Variants in TENM3 observed in about 807,000 individuals in gnomAD.
TENM3 encodes the protein teneurin-3.
A neutral mutation model predicts 255.1 loss-of-function variants in TENM3; 63 were observed. The ratio of observed to expected loss-of-function variants is 0.25; its 90% CI spans 0.20 to 0.30. The LOEUF is 0.30. Among genes scored for constraint, TENM3 ranks in the 10% least tolerant of loss-of-function variants. The probability of loss-of-function intolerance (pLI) is 1.00; values close to 1 mark genes in which losing one functional copy is unlikely to be tolerated. For synonymous variants in TENM3, 1,306 were observed against 1,322.3 expected, an observed-to-expected ratio of 0.99 and a Z score of 0.27; for missense variants, 2,929 against 3,461.1, an observed-to-expected ratio of 0.85 and a Z score of 3.86.
chr4:181,531,476 G>T, the TENM3 span, among the ~76,000 whole-genome samples: 1 of 152,114 alleles, frequency 6.6e-6, no homozygotes, highest in Non-Finnish European at 1.5e-5. Flanking sequence ...CCTCTGGAAG[G>T]CAGGGTGATT....
At chr4:181,454,011 G>T in the TENM3 span, among the ~76,000 whole-genome samples, 1 of 152,108 alleles carries the variant, frequency 6.6e-6, no homozygotes, top group African/African-American at 2.4e-5. Flanking sequence ...ATAAAAATAA[G>T]AAGTTCTAAT....
At chr4:181,584,579 T>C in the TENM3 span, among the ~76,000 whole-genome samples, 2 of 152,314 alleles carry the variant, frequency 1.3e-5, no homozygotes, top group Admixed American at 1.3e-4. Flanking sequence ...ACTAAAATGT[T>C]TTAAGTTAAT....
At chr4:181,830,281 T>C in the TENM3 span, among the ~76,000 whole-genome samples, 1 of 152,162 alleles carries the variant, frequency 6.6e-6, no homozygotes, top group Non-Finnish European at 1.5e-5. Flanking sequence ...TTTGTTTGTT[T>C]GTTTTTGAGC....
At chr4:182,369,457 T>G (rs1300291074) in intron 3 of TENM3, among the ~76,000 whole-genome samples, 1 of 152,200 alleles carries the variant, frequency 6.6e-6, no homozygotes, top group African/African-American at 2.4e-5. Context: ...AGACTGTAGG[T>G]CCTCAGATTA....
the TENM3 span, among the ~76,000 whole-genome samples, chr4:181,525,222 C>A: frequency 6.6e-6 from 1 of 151,830 alleles, no homozygotes; most frequent in Non-Finnish European, 1.5e-5. Context: ...ATCAGCTCAG[C>A]CAACATGGTG....
rs202038436 is a variant in TENM3 at position 182,775,009 on chromosome 4, G to A, written c.5160G>A (p.Pro1720=). The part of the protein sequence containing the change: ...SGLDSHYQTE[P]HVLAGTANPT... Reference sequence around the variant, plus strand: ...TGGACTCACACTACCAAACAGAGCCGCACGTTCTGGCTGGCACCGCTAATC... The same window carrying A: ...TGGACTCACACTACCAAACAGAGCCACACGTTCTGGCTGGCACCGCTAATC... Residue 1720 remains proline, a synonymous_variant, in exon 24 of 28, where the codon CCG becomes CCA. Transcript: ENST00000511685. The A allele has an allele frequency of 8.8e-5, 142 of 1,613,932 alleles. No individual in the cohort carries two copies. In the African/African-American group the frequency reaches 1.6e-3, roughly 18 times the overall value.
At chr4:182,160,897 C>G (rs977337916) in intron 1 of TENM3, among the ~76,000 whole-genome samples, 3 of 135,748 alleles carry the variant, frequency 2.2e-5, no homozygotes, top group Non-Finnish European at 4.9e-5. Context: ...TACATCCTTC[C>G]GTAATGTATA....
At chr4:182,428,514 G>C (rs369839669) in intron 3 of TENM3, among the ~76,000 whole-genome samples, 42 of 151,388 alleles carry the variant, frequency 2.8e-4, no homozygotes, top group African/African-American at 9.7e-4. Flanking sequence ...ATCTAGTATA[G>C]AGCCAGATCA....
At chr4:182,211,936 T>C (rs1214816969) in intron 1 of TENM3, among the ~76,000 whole-genome samples, 2 of 152,060 alleles carry the variant, frequency 1.3e-5, no homozygotes, top group Admixed American at 6.5e-5. Context: ...GAATAGTGAG[T>C]TTTTACATGG....
chr4:182,526,222 C>T (rs1372094007), intron 3 of TENM3, among the ~76,000 whole-genome samples: 2 of 151,976 alleles, frequency 1.3e-5, no homozygotes, highest in African/African-American at 4.8e-5. Flanking sequence ...CCTCGTGATC[C>T]ACCCACCTCA....
the TENM3 span, among the ~76,000 whole-genome samples, chr4:181,781,560 G>T: frequency 2.6e-5 from 4 of 152,144 alleles, no homozygotes; most frequent in Admixed American, 2.6e-4. Flanking sequence ...CATGTCATCT[G>T]CAAACAGGGA....
the TENM3 span, among the ~76,000 whole-genome samples, chr4:181,903,750 TG>T: frequency 1.3e-5 from 2 of 152,290 alleles, no homozygotes; most frequent in East Asian, 3.9e-4. Context: ...GAATGCAACC[TG>T]GGGCCCTGAG....
chr4:182,464,575 C>A (rs1040425403), intron 3 of TENM3, among the ~76,000 whole-genome samples: 3 of 152,088 alleles, frequency 2.0e-5, no homozygotes, highest in African/African-American at 7.2e-5. Flanking sequence ...TACTTTTAAT[C>A]TCAAAATGAA....
At chr4:182,361,947 C>G (rs1234624031) in intron 3 of TENM3, among the ~76,000 whole-genome samples, 1 of 152,216 alleles carries the variant, frequency 6.6e-6, no homozygotes, top group African/African-American at 2.4e-5. Context: ...ACAGGACCCT[C>G]AGCTGCAGGT....
At chr4:182,664,286 G>T (rs147165687) in intron 6 of TENM3, among the ~76,000 whole-genome samples, 1 of 152,238 alleles carries the variant, frequency 6.6e-6, no homozygotes, top group East Asian at 1.9e-4. Context: ...CTGTTACAGT[G>T]ACCTTCAATC....
chr4:181,500,075 C>CTGGA, the TENM3 span, among the ~76,000 whole-genome samples: 1 of 152,204 alleles, frequency 6.6e-6, no homozygotes, highest in East Asian at 1.9e-4. Flanking sequence ...GTTGCCCAGG[C>CTGGA]TGGAGTGCAG....
intron 13 of TENM3, among the ~76,000 whole-genome samples, chr4:182,720,222 AAAATAAGGAAATGTT>A: frequency 6.6e-6 from 1 of 152,212 alleles, no homozygotes; most frequent in African/African-American, 2.4e-5. Flanking sequence ...TTACTCAGTG[AAAATAAGGAAATGTT>A]TGAAAATAGA....
the TENM3 span, among the ~76,000 whole-genome samples, chr4:181,698,940 T>G: frequency 1.3e-5 from 2 of 151,572 alleles, no homozygotes; most frequent in South Asian, 4.1e-4. Flanking sequence ...AGATGACATT[T>G]AACTTTTTTT....
At chr4:182,115,181 A>G in the TENM3 span, among the ~76,000 whole-genome samples, 947 of 152,286 alleles carry the variant, frequency 6.2e-3, 11 homozygotes, top group African/African-American at 0.022. Flanking sequence ...ACTCTGTCTC[A>G]AAAATAAAAA....
Sources: gnomAD v4.1 joint callset for allele counts (sites outside exome capture counted in the v4.1 genomes callset) on GRCh38, gnomAD v4.1.1 for gene constraint, MANE v1.5 for transcripts, NCBI Gene and HGNC (gene_info 2026-07-23, HGNC 2026-07-21) for gene names.